Variants in MYH10 observed in about 807,000 individuals in gnomAD.
MYH10 encodes myosin heavy chain 10, also known as myosin-10.
Under a neutral mutation model 257.8 loss-of-function variants are expected in MYH10, and 55 were observed. The observed-to-expected ratio is 0.21, with a 90% CI of 0.17 to 0.27. MYH10 has a LOEUF of 0.27. Among genes scored for constraint, MYH10 ranks in the 10% least tolerant of loss-of-function variants. The probability of loss-of-function intolerance (pLI) is 1.00; values close to 1 mark genes in which losing one functional copy is unlikely to be tolerated. For synonymous variants in MYH10, 854 were observed against 921.7 expected, an observed-to-expected ratio of 0.93 and a Z score of 1.33; for missense variants, 1,631 against 2,500.6, an observed-to-expected ratio of 0.65 and a Z score of 7.42.
At chr17:8,603,235 C>T (rs936398102) in intron 3 of MYH10, among the ~76,000 whole-genome samples, 3 of 152,220 alleles carry the variant, frequency 2.0e-5, no homozygotes, top group African/African-American at 7.2e-5. Flanking sequence ...TACAGGAATG[C>T]ATCCCACCTC....
chr17:8,622,712 T>C (rs182462792), intron 2 of MYH10, among the ~76,000 whole-genome samples, 190 bp downstream of exon 2: 12 of 152,340 alleles, frequency 7.9e-5, no homozygotes, highest in East Asian at 7.7e-4. Flanking sequence ...TATTTAAACT[T>C]AATGTGTTAA....
At chr17:8,594,902 C>G (rs556834378) in intron 3 of MYH10, among the ~76,000 whole-genome samples, 1 of 152,164 alleles carries the variant, frequency 6.6e-6, no homozygotes, top group African/African-American at 2.4e-5. Context: ...TCAGTACAGG[C>G]GCAACCATCC....
intron 7 of MYH10, among the ~76,000 whole-genome samples, chr17:8,562,912 G>T (rs1342292186): frequency 6.6e-6 from 1 of 152,132 alleles, no homozygotes; most frequent in African/African-American, 2.4e-5. Context: ...TGTTTGTTCT[G>T]AATTGACATC....
chr17:8,585,284 G>GTATATATATATATATATA (rs1380120586), intron 4 of MYH10, among the ~76,000 whole-genome samples: 12 of 6,394 alleles, frequency 1.9e-3, no homozygotes, highest in Non-Finnish European at 0.011. Context: ...GCATGTGTGT[G>GTATATATATATATATATA]TGTGTATATA....
chr17:8,587,865 A>T (rs189095188), intron 4 of MYH10, among the ~76,000 whole-genome samples: 1 of 152,234 alleles, frequency 6.6e-6, no homozygotes, highest in East Asian at 1.9e-4. Flanking sequence ...TTTATTTTTG[A>T]CATTTTCACC....
chr17:8,481,224 A>T, intron 38 of MYH10, 98 bp downstream of exon 38: 1 of 1,258,588 alleles, frequency 7.9e-7, no homozygotes, highest in Non-Finnish European at 1.1e-6. Context: ...GGGAGGAGCA[A>T]ACCACCCGCT....
chr17:8,499,573 AGT>A (rs1491113000), intron 29 of MYH10, 97 bp from the exon 30 acceptor site: 1 of 1,054,980 alleles, frequency 9.5e-7, no homozygotes, highest in Non-Finnish European at 1.4e-6. Flanking sequence ...CCTAACACAC[AGT>A]GAGTCTGTAG....
At position 8,475,513 on chromosome 17, in the gene MYH10, A is replaced by G; in HGVS notation, c.*291T>C. ...CAAGGGCCTGGAGTTTGTTTTAAAA[A>G]GGGTCTTACCATGTTTTATAAAATG... On this transcript the variant is annotated 3_prime_UTR_variant, in exon 43 of 43. Coordinates refer to ENST00000360416, the MANE Select transcript of MYH10 (RefSeq NM_001256012.3). 1 of 289,240 alleles carries G rather than the reference A, an allele frequency of 3.5e-6. No homozygotes were observed. The highest frequency in any genetic ancestry group is 6.5e-6 in the Non-Finnish European group (1 of 154,942). 17.9% of individuals were successfully genotyped at this position (289,240 alleles called of 1,614,324 possible). A position where few individuals can be genotyped will look rare whatever the true frequency, so the allele number is the denominator to read the frequency against.
chr17:8,511,015 CATATATATATATATATATAT>C (rs56144668), intron 24 of MYH10: 9 of 120,548 alleles, frequency 7.5e-5, no homozygotes, highest in African/African-American at 3.1e-4. Flanking sequence ...TCATGTACCC[CATATATATATATATATATAT>C]ATATATATAT....
In MYH10 at chr17:8,535,064, G is replaced by A. The variant is rs1466797512; in HGVS notation, c.1894+323C>T. Among the ~76,000 whole-genome samples, 1 of 152,144 alleles carries A rather than the reference G, an allele frequency of 6.6e-6. No individual in the cohort carries two copies. Among genetic ancestry groups the A allele is most frequent in the African/African-American group, 2.4e-5 (1 of 41,434 alleles). Reference sequence around the variant, plus strand: ...GAATGAGCAGGCCTTCTCGGGTTTTGTGTTCCAGTGTTCCTGGATTACAAC... The same window carrying A: ...GAATGAGCAGGCCTTCTCGGGTTTTATGTTCCAGTGTTCCTGGATTACAAC... On this transcript the variant is annotated intron_variant, in intron 16 of 42. Coordinates refer to ENST00000360416, the MANE Select transcript of MYH10 (RefSeq NM_001256012.3). This position sits in a 1 kb window ranked among gnomAD's most constrained non-coding sequence, Gnocchi z 4.3.
Position 8,487,438 on chromosome 17 carries a change from G to A in MYH10, c.5041C>T (p.Leu1681Phe), listed in dbSNP as rs1399740230. Reference sequence around the variant, plus strand: ...CCATGGGTGAAGGCACATACCTGGAGCTTGCGGAGCTGCTTAATCACCTCA... The same window carrying A: ...CCATGGGTGAAGGCACATACCTGGAACTTGCGGAGCTGCTTAATCACCTCA... ...RDEVIKQLRK[L>F]QAQMKDYQRE... The change falls in exon 36 of 43, where the codon CTC becomes TTC. Residue 1681 changes from leucine to phenylalanine, a missense_variant. Leu to Phe is a conservative substitution (Grantham distance 22). Around this residue, in one of 11 missense-constraint regions of MYH10, gnomAD observed 463 missense variants for 621.8 expected, o/e 0.74. Transcript: ENST00000360416. 2.4e-5 allele frequency: 38 copies of A among 1,614,120 alleles called. No individual in the cohort carries two copies. The highest frequency in any genetic ancestry group is 3.1e-5 in the Non-Finnish European group (37 of 1,180,046).
chr17:8,487,620 G>A (rs765836298), intron 35 of MYH10, 26 bp from the exon 36 acceptor site: 2 of 1,613,356 alleles, frequency 1.2e-6, no homozygotes, highest in African/African-American at 2.7e-5. Context: ...GGGTTATGCT[G>A]GGTTACATCC....
intron 14 of MYH10, among the ~76,000 whole-genome samples, chr17:8,540,270 T>C (rs1363003741): frequency 1.3e-5 from 2 of 152,210 alleles, no homozygotes; most frequent in Admixed American, 6.5e-5. Flanking sequence ...ACTGGGATTA[T>C]AGGCGGGAGC....
chr17:8,520,986 T>A lies in MYH10; in HGVS notation c.2165A>T (p.Asp722Val). The A allele has an allele frequency of 6.2e-7, 1 of 1,612,062 alleles. No individual in the cohort carries two copies. The highest frequency in any genetic ancestry group is 8.5e-7 in the Non-Finnish European group (1 of 1,178,294). The change falls in exon 19 of 43, where the codon GAT becomes GTT. Residue 722 changes from aspartate (D) to valine (V), a missense_variant. Asp to Val is a radical substitution (Grantham distance 152). This residue lies in a region of MYH10 where 96 missense variants were observed against 146.2 expected (regional missense o/e 0.66). Transcript: ENST00000360416. The stretch of plus-strand genomic sequence containing the variant: ...AAGCTGATCTAGGACTAGGTGTGGA[T>A]CCAATTTTCCAGCCTAATCAAGCAA... ...PNHEKRAGKLDPHLVLDQLRC... is the reference protein window; with the variant it reads ...PNHEKRAGKLVPHLVLDQLRC...
intron 2 of MYH10, among the ~76,000 whole-genome samples, chr17:8,616,835 CA>C (rs2085279312): frequency 6.6e-6 from 1 of 151,826 alleles, no homozygotes; most frequent in South Asian, 2.1e-4. Context: ...TCCTAAAGAA[CA>C]AAAAATAGAG....
chr17:8,532,133 C>T (rs1392048819), intron 16 of MYH10, among the ~76,000 whole-genome samples: 2 of 152,240 alleles, frequency 1.3e-5, no homozygotes, highest in Non-Finnish European at 2.9e-5. Flanking sequence ...GCGACAGCAC[C>T]TCCTGCTAAG....
intron 14 of MYH10, among the ~76,000 whole-genome samples, chr17:8,539,895 A>G (rs2082246344): frequency 6.6e-6 from 1 of 152,120 alleles, no homozygotes; most frequent in African/African-American, 2.4e-5. Context: ...GGTCCAATAA[A>G]TTGCTATCTG....
chr17:8,555,953 C>G lies in MYH10; in HGVS notation c.757-1935G>C, dbSNP rs917695533. Among the ~76,000 whole-genome samples, 3 of 152,116 alleles carry G rather than the reference C, an allele frequency of 2.0e-5. No individual in the cohort carries two copies. The East Asian group carries it at 5.8e-4, about 29-fold the overall frequency. On this transcript the variant is annotated intron_variant, in intron 7 of 42. Coordinates refer to ENST00000360416, the MANE Select transcript of MYH10 (RefSeq NM_001256012.3). ...ATATTTCAATAGTAGGACAAACAAC[C>G]CAATAAGAAAACAGGGTAAGTGATT...
intron 37 of MYH10, among the ~76,000 whole-genome samples, chr17:8,483,866 G>C (rs1914289764): frequency 6.6e-6 from 1 of 152,256 alleles, no homozygotes; most frequent in Admixed American, 6.5e-5. Context: ...AACAGGCCAA[G>C]AAGGTGGCCT....
Sources: gnomAD v4.1 joint callset for allele counts (sites outside exome capture counted in the v4.1 genomes callset) on GRCh38, gnomAD v4.1.1 for gene constraint, gnomAD v4.1.1 regional missense constraint, Gnocchi (gnomAD v3.1) non-coding constraint, MANE v1.5 for transcripts, NCBI Gene and HGNC (gene_info 2026-07-23, HGNC 2026-07-21) for gene names.